LCOR: variants seen among roughly 807,000 people sequenced by gnomAD.
LCOR encodes the protein ligand-dependent corepressor.
In LCOR, 14 loss-of-function variants were observed where a neutral mutation model predicts 64.4. The observed-to-expected ratio is 0.22, with a 90% CI of 0.14 to 0.34. The LOEUF (loss-of-function observed/expected upper bound fraction) is 0.34. LCOR is among the 10% of genes least tolerant of loss of function. LCOR has a pLI of 1.00. For missense variants in LCOR, 1,686 were observed against 1,765.3 expected (o/e 0.96, Z 0.80); for synonymous variants, 643 against 642.5 (o/e 1.00, Z -0.01).
intron 4 of LCOR, among the ~76,000 whole-genome samples, chr10:96,916,412 G>A (rs1846945321): frequency 6.6e-6 from 1 of 151,840 alleles, no homozygotes; most frequent in African/African-American, 2.4e-5. Flanking sequence ...ATGTATTTAT[G>A]TTGAATACTT....
chr10:96,958,029 G>A (rs1238126475), intron 7 of LCOR: 2 of 1,011,788 alleles, frequency 2.0e-6, no homozygotes, highest in South Asian at 9.3e-5. Context: ...TAGAAAGTTT[G>A]CTGAAAGCAA....
chr10:96,973,162 A>C (rs1848012546), intron 7 of LCOR, among the ~76,000 whole-genome samples: 1 of 152,188 alleles, frequency 6.6e-6, no homozygotes, highest in African/African-American at 2.4e-5. Context: ...CCTGGAAATC[A>C]CATATTTAAC....
rs546585353 is a variant in LCOR, at chr10:96,857,419, C to T, written c.-330+23940C>T. On this transcript the variant is annotated intron_variant, in intron 2 of 7. Coordinates refer to ENST00000421806, the MANE Select transcript of LCOR (RefSeq NM_001346516.2). ...GGGTTAACAGTTGTGTGAATTGATG[C>T]TGCTATAAATTTATCATGTCCAGCT... 9.2e-5 allele frequency among the ~76,000 whole-genome samples: 14 copies of T among 152,242 alleles called. No individual in the cohort carries two copies. In the East Asian group the frequency reaches 2.5e-3, roughly 27 times the overall value.
intron 7 of LCOR, chr10:96,956,979 C>T: frequency 1.0e-6 from 1 of 985,086 alleles, no homozygotes; most frequent in Non-Finnish European, 1.2e-6. Flanking sequence ...TTTACAGCCT[C>T]AGTAGTCTGC....
intron 7 of LCOR, among the ~76,000 whole-genome samples, chr10:96,953,491 C>G (rs1847716843): frequency 6.6e-6 from 1 of 152,164 alleles, no homozygotes; most frequent in Non-Finnish European, 1.5e-5. Context: ...GTCACAGCTG[C>G]AGTGAGCCAT....
intron 2 of LCOR, among the ~76,000 whole-genome samples, chr10:96,845,235 A>T (rs775183588): frequency 6.6e-5 from 10 of 152,112 alleles, no homozygotes; most frequent in Non-Finnish European, 1.3e-4. Context: ...TAATAAGGAG[A>T]AATTCCCATC....
intron 2 of LCOR, among the ~76,000 whole-genome samples, chr10:96,881,353 A>G (rs1846259559): frequency 6.6e-6 from 1 of 152,228 alleles, no homozygotes; most frequent in South Asian, 2.1e-4. Flanking sequence ...GTATTTTAAC[A>G]TACTTAATAT....
At chr10:96,934,432 A>G (rs1463113271) in intron 4 of LCOR, among the ~76,000 whole-genome samples, 1 of 152,146 alleles carries the variant, frequency 6.6e-6, no homozygotes. Context: ...CTATAGAGTC[A>G]TAAGCTCTGT....
intron 4 of LCOR, among the ~76,000 whole-genome samples, chr10:96,935,296 G>A (rs1214731199): frequency 2.6e-5 from 4 of 151,586 alleles, no homozygotes; most frequent in Admixed American, 6.6e-5. Flanking sequence ...TTACAGGTAC[G>A]TGCCACCACC....
chr10:96,915,247 A>G (rs766657232), intron 4 of LCOR, among the ~76,000 whole-genome samples: 3 of 152,188 alleles, frequency 2.0e-5, no homozygotes, highest in Non-Finnish European at 2.9e-5. Context: ...TAAGCCGGGC[A>G]CGGAGGTGCA....
chr10:96,943,334 T>C (rs1847530385), intron 4 of LCOR, among the ~76,000 whole-genome samples: 1 of 152,182 alleles, frequency 6.6e-6, no homozygotes, highest in Non-Finnish European at 1.5e-5. Flanking sequence ...TCACCTCAAG[T>C]GATCCGCCCG....
chr10:96,839,106 A>G (rs1264795109), intron 2 of LCOR, among the ~76,000 whole-genome samples: 2 of 152,166 alleles, frequency 1.3e-5, no homozygotes, highest in Non-Finnish European at 2.9e-5. Context: ...TTTGATTTGC[A>G]TTTTCCTAAC....
At chr10:96,908,082 C>T (rs1846761038) in intron 4 of LCOR, 1 of 152,108 alleles carries the variant, frequency 6.6e-6, no homozygotes, top group Admixed American at 6.6e-5. Flanking sequence ...GCAGCCGCCG[C>T]CTCCTGGGTT....
At chr10:96,867,428 C>T (rs1845992877) in intron 2 of LCOR, among the ~76,000 whole-genome samples, 1 of 152,096 alleles carries the variant, frequency 6.6e-6, no homozygotes, top group African/African-American at 2.4e-5. Flanking sequence ...GAGATCTTGC[C>T]TCCCCAAAAC....
intron 2 of LCOR, among the ~76,000 whole-genome samples, chr10:96,883,945 T>C (rs1303926534): frequency 2.0e-5 from 3 of 152,214 alleles, no homozygotes; most frequent in African/African-American, 7.2e-5. Flanking sequence ...AATGGATTTT[T>C]TAAAACAGTG....
At chr10:96,849,059 G>GTTT (rs1564601890) in intron 2 of LCOR, among the ~76,000 whole-genome samples, 1 of 21,780 alleles carries the variant, frequency 4.6e-5, no homozygotes, top group Non-Finnish European at 1.1e-4. Context: ...CTGGCTAATT[G>GTTT]TCTTTTTTTT....
intron 4 of LCOR, among the ~76,000 whole-genome samples, chr10:96,922,027 T>G (rs1319003392): frequency 6.6e-6 from 1 of 152,242 alleles, no homozygotes; most frequent in Non-Finnish European, 1.5e-5. Flanking sequence ...GTTTTTCTTT[T>G]TCAATATTGT....
intron 2 of LCOR, among the ~76,000 whole-genome samples, chr10:96,898,269 A>G (rs770544376): frequency 5.9e-5 from 9 of 152,190 alleles, no homozygotes; most frequent in Non-Finnish European, 1.0e-4. Flanking sequence ...CAGGAAGAAC[A>G]TTGTAGGCTG....
chr10:96,886,822 A>G (rs1007869958), intron 2 of LCOR, among the ~76,000 whole-genome samples: 6 of 152,210 alleles, frequency 3.9e-5, no homozygotes, highest in Non-Finnish European at 8.8e-5. Context: ...AAAAGTACCC[A>G]TTTATTCCTA....
Sources: gnomAD v4.1 joint callset for allele counts (sites outside exome capture counted in the v4.1 genomes callset) on GRCh38, gnomAD v4.1.1 for gene constraint, MANE v1.5 for transcripts, NCBI Gene and HGNC (gene_info 2026-07-23, HGNC 2026-07-21) for gene names.